Variants in VNN1 observed in about 807,000 individuals in gnomAD.
VNN1 encodes vanin 1.
VNN1 carries 29 observed loss-of-function variants against 41.9 expected under a neutral mutation model. The ratio of observed to expected loss-of-function variants is 0.69; its 90% CI spans 0.52 to 0.94. The LOEUF is 0.94. Ranked by LOEUF, VNN1 falls within the 40% of genes least tolerant of loss-of-function variation. VNN1 has a pLI of 0.00. For missense variants in VNN1, 637 were observed against 621.1 expected (o/e 1.03, Z -0.27); for synonymous variants, 233 against 224.4 (o/e 1.04, Z -0.34).
intron 2 of VNN1, among the ~76,000 whole-genome samples, chr6:132,708,598 G>A (rs1778552229): frequency 6.6e-6 from 1 of 152,268 alleles, no homozygotes; most frequent in Middle Eastern, 3.4e-3. Context: ...TGAGAGCAGG[G>A]AAGGATATTG....
Position 132,714,007 on chromosome 6 carries a change from G to A in VNN1, c.29C>T (p.Ala10Val). Residue 10 changes from alanine (A) to valine (V), a missense_variant, in exon 1 of 7, where the codon GCA (alanine) becomes GTA (valine). Transcript: ENST00000367928. MTTQLPAYVAILLFYVSRAS... is the reference protein window; with the variant it reads MTTQLPAYVVILLFYVSRAS... ...TCTTGAGACATAGAAAAGCAAAATT[G>A]CCACGTAAGCTGGCAACTGAGTAGT... 6.2e-7 allele frequency: 1 copy of A among 1,613,828 alleles called. No homozygotes were observed. The highest frequency in any genetic ancestry group is 8.5e-7 in the Non-Finnish European group (1 of 1,179,862).
chr6:132,706,331 G>C (rs1437791589), intron 2 of VNN1, among the ~76,000 whole-genome samples: 1 of 152,024 alleles, frequency 6.6e-6, no homozygotes, highest in South Asian at 2.1e-4. Context: ...AAACAGAAGA[G>C]AGAACCCAGA....
intron 2 of VNN1, among the ~76,000 whole-genome samples, chr6:132,704,164 A>T (rs11967890): frequency 0.02 from 3,086 of 152,176 alleles, 59 homozygotes; most frequent in Middle Eastern, 0.054. Flanking sequence ...GAAGGAAAAA[A>T]AAAATAAAGA....
intron 3 of VNN1, among the ~76,000 whole-genome samples, 156 bp from the exon 4 acceptor site, chr6:132,693,471 C>T (rs1318948653): frequency 5.3e-5 from 8 of 152,196 alleles, no homozygotes; most frequent in Non-Finnish European, 1.2e-4. Context: ...AATCAGAGGC[C>T]ATTCTAGCTA....
In VNN1 at chr6:132,693,978, A is replaced by G. The variant is rs1358692653; in HGVS notation, c.534+12T>C. ...GCATTAACTAATTGGATTATTTGCA[A>G]ATTAATTTTACCTTATGGTAGCGTG... is the stretch of plus-strand genomic sequence containing the variant. On this transcript the variant is annotated intron_variant, in intron 3 of 6. Coordinates refer to ENST00000367928, the MANE Select transcript of VNN1 (RefSeq NM_004666.3). The G allele has an allele frequency of 6.2e-7, 1 of 1,613,804 alleles. No homozygotes were observed. Among genetic ancestry groups the G allele is most frequent in the Non-Finnish European group, 8.5e-7 (1 of 1,179,916 alleles).
intron 2 of VNN1, among the ~76,000 whole-genome samples, chr6:132,699,949 A>T (rs532663029): frequency 6.6e-6 from 1 of 152,300 alleles, no homozygotes; most frequent in South Asian, 2.1e-4. Flanking sequence ...TCTTAATAGC[A>T]TGAATTTTGA....
At chr6:132,708,340 T>C (rs1778548957) in intron 2 of VNN1, among the ~76,000 whole-genome samples, 1 of 152,190 alleles carries the variant, frequency 6.6e-6, no homozygotes, top group Non-Finnish European at 1.5e-5. Flanking sequence ...TTCTAGTTTG[T>C]TGTTAGAACT....
intron 5 of VNN1, among the ~76,000 whole-genome samples, chr6:132,688,742 GTAA>G (rs1385440521): frequency 6.6e-6 from 1 of 151,986 alleles, no homozygotes; most frequent in Non-Finnish European, 1.5e-5. Flanking sequence ...ATGGTATATG[GTAA>G]TAATTTTATG....
intron 2 of VNN1, among the ~76,000 whole-genome samples, chr6:132,697,973 A>T (rs1484049548): frequency 1.3e-5 from 2 of 152,242 alleles, no homozygotes; most frequent in African/African-American, 4.8e-5. Context: ...AACAGTTCTG[A>T]TGACAAACAT....
rs1333009660 is a variant in VNN1, at chr6:132,681,546, C to A, written c.*1594G>T. On this transcript the variant is annotated 3_prime_UTR_variant, in exon 7 of 7. Coordinates refer to ENST00000367928, the MANE Select transcript of VNN1 (RefSeq NM_004666.3). ...GCAATTCATTACACCACAAGGGAGA[C>A]CTACTATAGTTGACAACGTTGAGCA... 1 of 152,158 alleles carries A rather than the reference C, an allele frequency of 6.6e-6. No individual in the cohort carries two copies. The highest frequency in any genetic ancestry group is 1.9e-4 in the East Asian group (1 of 5,198). 9.4% of individuals were successfully genotyped at this position (152,158 alleles called of 1,614,324 possible).
intron 2 of VNN1, among the ~76,000 whole-genome samples, chr6:132,707,813 T>C (rs1778540762): frequency 6.6e-6 from 1 of 152,104 alleles, no homozygotes. Flanking sequence ...AGTGAGGAGA[T>C]TAATGGGTAC....
chr6:132,697,199 A>G (rs1778387413), intron 2 of VNN1, among the ~76,000 whole-genome samples: 1 of 152,214 alleles, frequency 6.6e-6, no homozygotes, highest in Non-Finnish European at 1.5e-5. Flanking sequence ...TGAGCTTTGC[A>G]CAAGAGGCTA....
In VNN1 at chr6:132,692,536, A is replaced by G. The variant is rs549763655; in HGVS notation, c.875T>C (p.Met292Thr). ...GAGGAGTTTTCCCTCTTCTGTCTTC[A>G]TATCATAATGAAATGCTCTTGAAGA... ...PNSSRAFHYD[M>T]KTEEGKLLLS... Residue 292 changes from methionine (M) to threonine (T), a missense_variant, in exon 5 of 7, where the codon ATG (methionine) becomes ACG (threonine). Physicochemically the swap from Met to Thr is moderately conservative, Grantham distance 81. Coordinates refer to ENST00000367928, the MANE Select transcript of VNN1 (RefSeq NM_004666.3). 1.2e-6 allele frequency: 2 copies of G among 1,607,206 alleles called. No individual in the cohort carries two copies. The highest frequency in any genetic ancestry group is 1.1e-5 in the South Asian group (1 of 90,436).
intron 2 of VNN1, among the ~76,000 whole-genome samples, chr6:132,698,515 A>AT (rs1346932152): frequency 6.6e-6 from 1 of 152,234 alleles, no homozygotes; most frequent in Non-Finnish European, 1.5e-5. Context: ...TGAAGAAACA[A>AT]TGTGTGCACA....
chr6:132,694,901 C>A (rs1778346643), intron 2 of VNN1, among the ~76,000 whole-genome samples: 3 of 152,048 alleles, frequency 2.0e-5, no homozygotes, highest in Admixed American at 6.6e-5. Context: ...GCCTGTAATC[C>A]CAACATTTTG....
At chr6:132,709,651 GTCTC>G (rs1264412843) in intron 2 of VNN1, among the ~76,000 whole-genome samples, 7 of 125,248 alleles carry the variant, frequency 5.6e-5, no homozygotes, top group Non-Finnish European at 1.1e-4. Context: ...GCGACACAGA[GTCTC>G]TCTCTCAAAA....
At chr6:132,692,963 T>A in intron 4 of VNN1, 61 bp downstream of exon 4, 1 of 1,323,898 alleles carries the variant, frequency 7.6e-7, no homozygotes, top group South Asian at 1.5e-5. Flanking sequence ...GAAAAACATG[T>A]TTTTTTTTTC....
At chr6:132,706,366 A>G (rs1460082511) in intron 2 of VNN1, among the ~76,000 whole-genome samples, 3 of 152,158 alleles carry the variant, frequency 2.0e-5, no homozygotes, top group African/African-American at 7.2e-5. Flanking sequence ...TCTACAGTGA[A>G]CTCGTCTTCA....
chr6:132,710,469 C>T (rs1159446632), intron 2 of VNN1, among the ~76,000 whole-genome samples: 1 of 152,082 alleles, frequency 6.6e-6, no homozygotes, highest in Non-Finnish European at 1.5e-5. Flanking sequence ...GTTTGCTGCA[C>T]CCACCAACCC....
Sources: allele counts gnomAD v4.1 joint callset (sites outside exome capture counted in the v4.1 genomes callset), GRCh38; gene constraint gnomAD v4.1.1; transcripts MANE v1.5; gene names NCBI Gene and HGNC (gene_info 2026-07-23, HGNC 2026-07-21).